MAGI2: variants seen among roughly 807,000 people sequenced by gnomAD.
MAGI2 encodes membrane associated guanylate kinase, WW and PDZ domain containing 2.
Under a neutral mutation model 133.3 loss-of-function variants are expected in MAGI2, and 35 were observed. That is an observed-to-expected ratio of 0.26 (90% CI 0.20 to 0.35). MAGI2 has a LOEUF of 0.35. Ranked by LOEUF, MAGI2 falls within the 10% of genes least tolerant of loss-of-function variation. MAGI2 has a pLI of 1.00. For missense variants in MAGI2, 1,636 were observed against 1,863.4 expected (o/e 0.88, Z 2.25); for synonymous variants, 729 against 710.6 (o/e 1.03, Z -0.41).
At chr7:78,801,683 T>G (rs1394672013) in intron 2 of MAGI2, among the ~76,000 whole-genome samples, 2 of 152,188 alleles carry the variant, frequency 1.3e-5, no homozygotes, top group African/African-American at 4.8e-5. Flanking sequence ...CAACATTTCA[T>G]GTAAGTCATT....
intron 2 of MAGI2, among the ~76,000 whole-genome samples, chr7:78,973,784 A>T (rs1293839112): frequency 6.6e-6 from 1 of 151,816 alleles, no homozygotes; most frequent in East Asian, 1.9e-4. Flanking sequence ...GTATGCTCGT[A>T]GCTTGAAATC....
intron 1 of MAGI2, among the ~76,000 whole-genome samples, chr7:79,054,847 G>T (rs1812998882): frequency 6.6e-6 from 1 of 152,226 alleles, no homozygotes; most frequent in Admixed American, 6.5e-5. Flanking sequence ...GTGGAGTGCA[G>T]TGGTGCAATC....
intron 2 of MAGI2, among the ~76,000 whole-genome samples, chr7:78,645,183 A>C (rs1168695810): frequency 6.6e-6 from 1 of 152,022 alleles, no homozygotes; most frequent in African/African-American, 2.4e-5. Context: ...CACTTATAGG[A>C]AACTCCAGAG....
At chr7:78,521,043 T>C (rs1383970918) in intron 4 of MAGI2, among the ~76,000 whole-genome samples, 1 of 152,160 alleles carries the variant, frequency 6.6e-6, no homozygotes, top group Non-Finnish European at 1.5e-5. Context: ...TTTTCTCTAA[T>C]ATTAATTAAC....
intron 1 of MAGI2, among the ~76,000 whole-genome samples, chr7:79,145,204 C>A (rs919985921): frequency 1.3e-5 from 2 of 152,086 alleles, no homozygotes; most frequent in African/African-American, 2.4e-5. Context: ...ACAATTTTTT[C>A]CTACTTTATT....
intron 21 of MAGI2, among the ~76,000 whole-genome samples, chr7:78,054,943 A>G (rs1393178362): frequency 6.6e-6 from 1 of 151,798 alleles, no homozygotes; most frequent in African/African-American, 2.4e-5. Context: ...GTGAGCCACT[A>G]TGGTTGACCT....
chr7:78,394,154 A>G (rs1173163121), intron 6 of MAGI2, among the ~76,000 whole-genome samples: 6 of 152,136 alleles, frequency 3.9e-5, no homozygotes, highest in Non-Finnish European at 5.9e-5. Context: ...GAGAGGGTTA[A>G]ACTGTTCTGG....
intron 20 of MAGI2, among the ~76,000 whole-genome samples, chr7:78,112,475 T>C (rs1266101264): frequency 6.6e-6 from 1 of 152,162 alleles, no homozygotes; most frequent in Admixed American, 6.5e-5. Context: ...GACGATGTAT[T>C]TACAGTGAGG....
intron 6 of MAGI2, among the ~76,000 whole-genome samples, chr7:78,399,076 TG>T (rs1389274990): frequency 6.6e-6 from 1 of 152,096 alleles, no homozygotes; most frequent in Non-Finnish European, 1.5e-5. Flanking sequence ...TGTCTAAAAA[TG>T]GATATTCATG....
rs56264042 is a variant in MAGI2, at chr7:78,231,070, T to A, written c.2047+24873A>T. On this transcript the variant is annotated intron_variant, in intron 10 of 21. Coordinates refer to ENST00000354212, the MANE Select transcript of MAGI2 (RefSeq NM_012301.4). ...TCATGCTGGAATATGGAAACTTTAA[T>A]TGGAATATAAATCACTTGGGAGATG... Among the ~76,000 whole-genome samples the A allele has an allele frequency of 6.2e-4, 94 of 152,154 alleles. 1 individual carries two copies. In the East Asian group the frequency reaches 0.017, roughly 28 times the overall value.
chr7:78,501,910 A>T (rs1006855161), intron 4 of MAGI2, 123 bp from the exon 5 acceptor site: 3 of 680,530 alleles, frequency 4.4e-6, no homozygotes, highest in African/African-American at 3.6e-5. Flanking sequence ...AACAGGAAAC[A>T]TTTCTGAAAA....
At chr7:78,823,459 T>C (rs1480999336) in intron 2 of MAGI2, among the ~76,000 whole-genome samples, 1 of 151,544 alleles carries the variant, frequency 6.6e-6, no homozygotes, top group Non-Finnish European at 1.5e-5. Context: ...GGCGGGCGCC[T>C]GTAGTCCCAG....
intron 1 of MAGI2, among the ~76,000 whole-genome samples, chr7:79,060,640 G>A (rs1813640834): frequency 6.6e-6 from 1 of 152,066 alleles, no homozygotes; most frequent in Non-Finnish European, 1.5e-5. Context: ...GAGTGACATA[G>A]CTAATCTGCA....
intron 20 of MAGI2, among the ~76,000 whole-genome samples, chr7:78,109,324 AAAAAAAAAAAGAAAAAAG>A (rs1317653013): frequency 8.1e-4 from 110 of 135,080 alleles, no homozygotes; most frequent in Admixed American, 1.5e-3. Flanking sequence ...AAAAAAAAAA[AAAAAAAAAAAGAAAAAAG>A]AAAAAAAAAA....
intron 2 of MAGI2, among the ~76,000 whole-genome samples, chr7:78,935,347 T>C (rs918010401): frequency 1.3e-5 from 2 of 152,168 alleles, no homozygotes; most frequent in Non-Finnish European, 2.9e-5. Flanking sequence ...AAGTGTCTGA[T>C]ATTAGATTCA....
At position 79,007,089 on chromosome 7, in the gene MAGI2, C is replaced by T; in HGVS notation, c.418+1G>A. 1 of 1,594,324 alleles carries T rather than the reference C, an allele frequency of 6.3e-7. No homozygotes were observed. Among genetic ancestry groups the T allele is most frequent in the Non-Finnish European group, 8.6e-7 (1 of 1,166,912 alleles). On this transcript the variant is annotated splice_donor_variant, in intron 2 of 21. Coordinates refer to ENST00000354212, the MANE Select transcript of MAGI2 (RefSeq NM_012301.4). LOFTEE classifies it high-confidence loss of function. ...ATATTAATACTGCCCATTGTACTCA[C>T]ATGGCACCGTGCGGAGGTAGAGGTT...
intron 21 of MAGI2, among the ~76,000 whole-genome samples, chr7:78,032,598 G>A (rs987857984): frequency 6.6e-6 from 1 of 152,170 alleles, no homozygotes; most frequent in Non-Finnish European, 1.5e-5. Context: ...CAATATTTCT[G>A]TCTCCATGGA....
intron 1 of MAGI2, among the ~76,000 whole-genome samples, chr7:79,332,872 C>A (rs928784351): frequency 2.0e-5 from 3 of 152,134 alleles, no homozygotes; most frequent in Non-Finnish European, 2.9e-5. Context: ...AGAGTTCTAA[C>A]TGTAGGAAGT....
chr7:78,987,964 C>T (rs1040106156), intron 2 of MAGI2, among the ~76,000 whole-genome samples: 26 of 152,012 alleles, frequency 1.7e-4, no homozygotes, highest in Admixed American at 7.2e-4. Flanking sequence ...ATGAAGGACG[C>T]TTTGGTTCGT....
Sources: gnomAD v4.1 joint callset for allele counts (sites outside exome capture counted in the v4.1 genomes callset) on GRCh38, gnomAD v4.1.1 for gene constraint, MANE v1.5 for transcripts, NCBI Gene and HGNC (gene_info 2026-07-23, HGNC 2026-07-21) for gene names.